CP: variants seen among roughly 807,000 people sequenced by gnomAD.
CP encodes caeruloplasmin.
CP carries 64 observed loss-of-function variants against 122.4 expected under a neutral mutation model. That is an observed-to-expected ratio of 0.52 (90% CI 0.43 to 0.64). CP has a LOEUF of 0.64. CP is among the 30% of genes least tolerant of loss of function. CP has a pLI of 0.00. For synonymous variants in CP, 440 were observed against 436.4 expected (o/e 1.01, Z -0.10); for missense variants, 1,167 against 1,284.4 (o/e 0.91, Z 1.40).
intron 14 of CP, among the ~76,000 whole-genome samples, chr3:149,181,804 T>G (rs1196440495): frequency 1.3e-5 from 2 of 152,184 alleles, no homozygotes; most frequent in Non-Finnish European, 2.9e-5. Context: ...GGTTTTTCTC[T>G]TAAGCTCTCC....
intron 7 of CP, 33 bp downstream of exon 7, chr3:149,202,069 T>A (rs1323648260): frequency 6.2e-7 from 1 of 1,613,748 alleles, no homozygotes; most frequent in South Asian, 1.1e-5. Flanking sequence ...ATGGGAAGAG[T>A]AAACCAGCCA....
intron 14 of CP, among the ~76,000 whole-genome samples, chr3:149,181,005 CGATGATGAT>C (rs58614217): frequency 1.3e-5 from 2 of 151,356 alleles, no homozygotes; most frequent in Non-Finnish European, 2.9e-5. Flanking sequence ...TTCCAAATCT[CGATGATGAT>C]GATGATGATG....
intron 8 of CP, 77 bp from the exon 9 acceptor site, chr3:149,198,655 T>C (rs1330527337): frequency 8.4e-7 from 1 of 1,183,564 alleles, no homozygotes; most frequent in African/African-American, 1.5e-5. Context: ...AGACTAAGTT[T>C]AGTCTAGAAT....
intron 6 of CP, among the ~76,000 whole-genome samples, chr3:149,203,191 G>A (rs748500607): frequency 1.3e-5 from 2 of 152,170 alleles, no homozygotes; most frequent in Non-Finnish European, 2.9e-5. Context: ...ACAGGCGTAA[G>A]CCACTGCGCC....
At chr3:149,176,173 G>A in intron 18 of CP, 77 bp downstream of exon 18, 3 of 1,338,338 alleles carry the variant, frequency 2.2e-6, no homozygotes, top group Admixed American at 1.7e-5. Flanking sequence ...TCATATTGGG[G>A]GAAGTATTTA....
At chr3:149,184,286 C>T (rs1169138524) in intron 12 of CP, among the ~76,000 whole-genome samples, 1 of 152,012 alleles carries the variant, frequency 6.6e-6, no homozygotes, top group East Asian at 1.9e-4. Flanking sequence ...CCGCCCGCCT[C>T]GGCCTCCCAA....
intron 6 of CP, 116 bp downstream of exon 6, chr3:149,206,052 T>A (rs1444122347): frequency 1.1e-6 from 1 of 889,026 alleles, no homozygotes. Context: ...TATTTAGCAG[T>A]CTAGTTACTC....
At chr3:149,187,440 T>G (rs1044530782) in intron 10 of CP, among the ~76,000 whole-genome samples, 1 of 152,224 alleles carries the variant, frequency 6.6e-6, no homozygotes, top group Non-Finnish European at 1.5e-5. Flanking sequence ...CTAACCACTT[T>G]TTAGAATTAC....
chr3:149,198,117 A>C (rs1228493951), intron 9 of CP, among the ~76,000 whole-genome samples: 1 of 152,236 alleles, frequency 6.6e-6, no homozygotes, highest in East Asian at 1.9e-4. Context: ...TGATCCAAAC[A>C]ACAGACCTAA....
chr3:149,205,178 T>C (rs943161467), intron 6 of CP, among the ~76,000 whole-genome samples: 5 of 150,584 alleles, frequency 3.3e-5, no homozygotes, highest in Non-Finnish European at 5.9e-5. Context: ...CTCATTAGGA[T>C]GGTTATTATT....
At chr3:149,185,144 T>G (rs1559940132) in intron 12 of CP, 95 bp downstream of exon 12, 1 of 1,141,558 alleles carries the variant, frequency 8.8e-7, no homozygotes, top group Non-Finnish European at 1.3e-6. Flanking sequence ...TAATGCAACT[T>G]TTTTTTTTTT....
At position 149,209,401 on chromosome 3, in the gene CP, T is replaced by G; in HGVS notation, c.608-17A>C. ...CTAGAGAATCTGGAGTTAAAGTTAC[T>G]ATTTTAGCAAGACTAAACTTTTAGC... On this transcript the variant is annotated splice_polypyrimidine_tract_variant and intron_variant, in intron 3 of 18. Coordinates refer to ENST00000264613, the MANE Select transcript of CP (RefSeq NM_000096.4). The G allele has an allele frequency of 6.2e-7, 1 of 1,609,176 alleles. No individual in the cohort carries two copies. The highest frequency in any genetic ancestry group is 8.5e-7 in the Non-Finnish European group (1 of 1,176,216).
intron 14 of CP, 29 bp downstream of exon 14, chr3:149,181,976 A>AGGGGGGGGGGG: frequency 7.1e-6 from 4 of 561,808 alleles, no homozygotes; most frequent in Non-Finnish European, 1.3e-5. Context: ...GTTAAAATGC[A>AGGGGGGGGGGG]CCACCCCCAC....
At position 149,182,051 on chromosome 3, in the gene CP, G is replaced by A. The variant is rs151137370; in HGVS notation, c.2508C>T (p.Ala836=). ...TAGAACTCTCTGTTTGTACCCCATG[G>A]GCATGTATTGAGTAGGGCCTTGTGG... ...NMATRPYSIH[A]HGVQTESSTV... The change falls in exon 14 of 19, where the codon GCC becomes GCT. Residue 836 remains alanine (A), a synonymous_variant. Transcript: ENST00000264613. The A allele has an allele frequency of 6.3e-7, 1 of 1,598,916 alleles. No homozygotes were observed. Among genetic ancestry groups the A allele is most frequent in the African/African-American group, 1.4e-5 (1 of 71,566 alleles).
intron 7 of CP, among the ~76,000 whole-genome samples, chr3:149,200,939 C>T (rs1429132172): frequency 6.6e-6 from 1 of 151,822 alleles, no homozygotes; most frequent in Admixed American, 6.6e-5. Flanking sequence ...TGAGTCACCG[C>T]TAGGAAAAAA....
chr3:149,199,413 T>C (rs1278114564), intron 8 of CP, among the ~76,000 whole-genome samples: 5 of 152,192 alleles, frequency 3.3e-5, no homozygotes, highest in African/African-American at 1.2e-4. Flanking sequence ...AACATTCTTA[T>C]AAGAACTTTT....
chr3:149,220,570 T>G (rs1728743062), intron 1 of CP, among the ~76,000 whole-genome samples: 1 of 152,106 alleles, frequency 6.6e-6, no homozygotes, highest in Non-Finnish European at 1.5e-5. Flanking sequence ...TTATTGTATA[T>G]TATTAAATTC....
At chr3:149,173,836 G>C (rs1725218579) in intron 18 of CP, 106 bp from the exon 19 acceptor site, 1 of 551,474 alleles carries the variant, frequency 1.8e-6, no homozygotes, top group Non-Finnish European at 3.3e-6. Flanking sequence ...CTTTACTCCT[G>C]ATTCATTTAT....
At chr3:149,215,038 C>T (rs546860861) in intron 1 of CP, among the ~76,000 whole-genome samples, 18 of 152,298 alleles carry the variant, frequency 1.2e-4, no homozygotes, top group Admixed American at 2.6e-4. Context: ...AGAGTCTGAA[C>T]ACACTTTTAT....
Sources: allele counts gnomAD v4.1 joint callset (sites outside exome capture counted in the v4.1 genomes callset), GRCh38; gene constraint gnomAD v4.1.1; transcripts MANE v1.5; gene names NCBI Gene and HGNC (gene_info 2026-07-23, HGNC 2026-07-21).